Variants in AK1 observed in about 807,000 individuals in gnomAD.
AK1 encodes adenylate kinase isoenzyme 1.
Under a neutral mutation model 23.9 loss-of-function variants are expected in AK1, and 13 were observed. The ratio of observed to expected loss-of-function variants is 0.54; its 90% CI spans 0.35 to 0.86. The LOEUF is 0.86. AK1 is among the 40% of genes least tolerant of loss of function. The probability of loss-of-function intolerance (pLI) is 0.01; values close to 1 mark genes in which losing one functional copy is unlikely to be tolerated. For synonymous variants in AK1, 97 were observed against 102.8 expected, an observed-to-expected ratio of 0.94 and a Z score of 0.34; for missense variants, 214 against 255.1, an observed-to-expected ratio of 0.84 and a Z score of 1.10.
intron 4 of AK1, 87 bp from the exon 5 acceptor site, chr9:127,872,026 G>A (rs1463516575): frequency 8.7e-7 from 1 of 1,150,402 alleles, no homozygotes; most frequent in African/African-American, 1.5e-5. Flanking sequence ...CCTGCCACCT[G>A]AAATGCCCTC....
chr9:127,872,728 G>T lies in AK1; in HGVS notation c.169C>A (p.Leu57Met). Residue 57 changes from leucine (L) to methionine (M), a missense_variant, in exon 4 of 7, where the codon CTG becomes ATG. Leu to Met is a conservative substitution (Grantham distance 15, BLOSUM62 2). Coordinates refer to ENST00000644144, the MANE Select transcript of AK1 (RefSeq NM_000476.3). ...TGCCCCTTCTCCATGATTTCCGACA[G>T]CTTCTTGCCCCTGGCCGAGCCTGAG... Reference protein sequence around the residue: ...VSSGSARGKKLSEIMEKGQLV... With the variant: ...VSSGSARGKKMSEIMEKGQLV... 1 of 1,614,150 alleles carries T rather than the reference G, an allele frequency of 6.2e-7. No individual in the cohort carries two copies.
At chr9:127,873,946 T>C in intron 2 of AK1, 1 of 985,414 alleles carries the variant, frequency 1.0e-6, no homozygotes, top group Non-Finnish European at 1.2e-6. Flanking sequence ...GCTGGAGCCC[T>C]ACAGGAGCTG....
rs201458399 is a variant in AK1 at position 127,874,589 on chromosome 9, C to A, written c.7+22G>T. 24 of 1,613,312 alleles carry A rather than the reference C, an allele frequency of 1.5e-5. No individual in the cohort carries two copies. The African/African-American group carries it at 1.7e-4, about 12-fold the overall frequency. The stretch of plus-strand genomic sequence containing the variant: ...GGCACACTGAGGCCCAGGCAATGGG[C>A]AAAAGGAGAGGAGGCTCATACCTTC... On this transcript the variant is annotated intron_variant, in intron 2 of 6. Transcript: ENST00000644144.
chr9:127,874,078 CT>C, intron 2 of AK1: 1 of 985,468 alleles, frequency 1.0e-6, no homozygotes, highest in Non-Finnish European at 1.2e-6. Context: ...CGCTGGGTGT[CT>C]TTAAGAGCTG....
At chr9:127,873,264 G>T in intron 2 of AK1, 1 of 1,532,810 alleles carries the variant, frequency 6.5e-7, no homozygotes, top group East Asian at 2.5e-5. Flanking sequence ...AGGGAAGAGA[G>T]GGTGCTCCAG....
At chr9:127,873,311 A>C in intron 2 of AK1, 1 of 1,536,586 alleles carries the variant, frequency 6.5e-7, no homozygotes, top group East Asian at 2.4e-5. Flanking sequence ...CTAAAGGCTA[A>C]GTACTCTCCA....
rs921571688 is a variant in AK1 at position 127,866,610 on chromosome 9, A to G, written c.*1398T>C. ...TTTCATTCGGGCAGGCGGGGTCCAC[A>G]AGAGGCTCTCTTGGCTTAAAGGGAG... On this transcript the variant is annotated 3_prime_UTR_variant, in exon 7 of 7. Coordinates refer to ENST00000644144, the MANE Select transcript of AK1 (RefSeq NM_000476.3). 6.6e-6 allele frequency: 1 copy of G among 152,334 alleles called. No homozygotes were observed. Among genetic ancestry groups the G allele is most frequent in the Admixed American group, 6.5e-5 (1 of 15,300 alleles). The allele number at this position is 152,334 out of a possible 1,614,324, so 9.4% of individuals were successfully genotyped here.
chr9:127,871,797 G>T lies in AK1; in HGVS notation c.324+26C>A. On this transcript the variant is annotated intron_variant, in intron 5 of 6. Coordinates refer to ENST00000644144, the MANE Select transcript of AK1 (RefSeq NM_000476.3). The surrounding 1 kb of genome is among the most constrained non-coding windows in gnomAD (Gnocchi z 4.4). ...GTCTTATCCTGCCCCAGCCCACCAG[G>T]ATCCCCACTTGGGTCAGTGCCTTAC... is the stretch of plus-strand genomic sequence containing the variant. 2 of 1,600,562 alleles carry T rather than the reference G, an allele frequency of 1.2e-6. No homozygotes were observed. Among genetic ancestry groups the T allele is most frequent in the South Asian group, 1.1e-5 (1 of 90,850 alleles).
rs944046765 is a variant in AK1, at chr9:127,871,599, C to T, written c.324+224G>A. Among the ~76,000 whole-genome samples the T allele has an allele frequency of 2.6e-5, 4 of 151,636 alleles. No homozygotes were observed. Among genetic ancestry groups the T allele is most frequent in the Non-Finnish European group, 5.9e-5 (4 of 68,030 alleles). ...AGATCTCAAGCCGTTGAGCTGGAAT[C>T]TGAGCCCAGGTTTGGCAACTGCCCC... On this transcript the variant is annotated intron_variant, in intron 5 of 6. Transcript: ENST00000644144. This position sits in a 1 kb window ranked among gnomAD's most constrained non-coding sequence, Gnocchi z 4.4.
chr9:127,867,705 G>T lies in AK1; in HGVS notation c.*303C>A. On this transcript the variant is annotated 3_prime_UTR_variant, in exon 7 of 7. Coordinates refer to ENST00000644144, the MANE Select transcript of AK1 (RefSeq NM_000476.3). ...GAAGGGCCCCGGGCCTCCCACCAGA[G>T]CTAGAGGAGGGGTGGCTGGCAAAGG... 2.5e-6 allele frequency: 1 copy of T among 405,024 alleles called. No homozygotes were observed. Among genetic ancestry groups the T allele is most frequent in the Non-Finnish European group, 4.7e-6 (1 of 215,014 alleles). The allele number at this position is 405,024 out of a possible 1,614,324, so 25.1% of individuals were successfully genotyped here.
At position 127,868,280 on chromosome 9, in the gene AK1, C is replaced by A; in HGVS notation, c.516+41G>T. On this transcript the variant is annotated intron_variant, in intron 6 of 6. Transcript: ENST00000644144. This position sits in a 1 kb window ranked among gnomAD's most constrained non-coding sequence, Gnocchi z 4.1. ...GAGCTGAGGCGGAGCCACATAGGAA[C>A]CCGTTCTTCCCGGAGCTGCCCCTGG... The A allele has an allele frequency of 6.5e-7, 1 of 1,545,878 alleles. No homozygotes were observed. Among genetic ancestry groups the A allele is most frequent in the South Asian group, 1.2e-5 (1 of 84,548 alleles).
chr9:127,872,698 C>T lies in AK1; in HGVS notation c.199G>A (p.Val67Ile). The T allele has an allele frequency of 6.2e-7, 1 of 1,614,110 alleles. No homozygotes were observed. The highest frequency in any genetic ancestry group is 8.5e-7 in the Non-Finnish European group (1 of 1,180,026). Residue 67 changes from valine (V) to isoleucine (I), a missense_variant, in exon 4 of 7, where the codon GTT (valine) becomes ATT (isoleucine). Val to Ile is a conservative substitution (Grantham distance 29). Transcript: ENST00000644144. Reference sequence around the variant, plus strand: ...CACCAGGGCCCACTCACCAGTGGAACCAGCTGCCCCTTCTCCATGATTTCC... The same window carrying T: ...CACCAGGGCCCACTCACCAGTGGAATCAGCTGCCCCTTCTCCATGATTTCC... ...LSEIMEKGQL[V>I]PLETVLDMLR...
At position 127,871,998 on chromosome 9, in the gene AK1, G is replaced by T; in HGVS notation, c.208-59C>A. 6.9e-7 allele frequency: 1 copy of T among 1,448,234 alleles called. No homozygotes were observed. The highest frequency in any genetic ancestry group is 9.7e-7 in the Non-Finnish European group (1 of 1,030,750). 89.7% of individuals were successfully genotyped at this position (1,448,234 alleles called of 1,614,324 possible). On this transcript the variant is annotated intron_variant, in intron 4 of 6. Transcript: ENST00000644144. This position sits in a 1 kb window ranked among gnomAD's most constrained non-coding sequence, Gnocchi z 4.4. ...CCTCTCCTCCCCATCCCTTCTCCCAGCCTCTGCTCACGCTGCTCCTGCCAC... is the reference window on the plus strand; with the variant it reads ...CCTCTCCTCCCCATCCCTTCTCCCATCCTCTGCTCACGCTGCTCCTGCCAC...
At position 127,868,352 on chromosome 9, in the gene AK1, G is replaced by A. The variant is rs758497870; in HGVS notation, c.485C>T (p.Ala162Val). 20 of 1,606,938 alleles carry A rather than the reference G, an allele frequency of 1.2e-5. 2 individuals are homozygous for A. The South Asian group carries it at 2.2e-4, about 18-fold the overall frequency. Residue 162 changes from alanine to valine, a missense_variant, in exon 6 of 7, where the codon GCC becomes GTC. Ala to Val is a moderately conservative substitution (Grantham distance 64). Coordinates refer to ENST00000644144, the MANE Select transcript of AK1 (RefSeq NM_000476.3). The surrounding 1 kb of genome is among the most constrained non-coding windows in gnomAD (Gnocchi z 4.1). ...CACAATGCCACGTTTCTCATAGAAGGCGATGACAGGTTCTGTGGCCTTGTA... is the reference window on the plus strand; with the variant it reads ...CACAATGCCACGTTTCTCATAGAAGACGATGACAGGTTCTGTGGCCTTGTA... ...TYYKATEPVI[A>V]FYEKRGIVRK...
At chr9:127,873,546 A>G in intron 2 of AK1, 1 of 1,437,754 alleles carries the variant, frequency 7.0e-7, no homozygotes, top group Non-Finnish European at 9.1e-7. Flanking sequence ...GGGCTTAGCA[A>G]CCACAACATA....
intron 2 of AK1, chr9:127,873,442 A>G: frequency 6.5e-7 from 1 of 1,547,754 alleles, no homozygotes; most frequent in Non-Finnish European, 8.7e-7. Flanking sequence ...GAGGAGCAGC[A>G]GCCCATGGTC....
At position 127,868,056 on chromosome 9, in the gene AK1, C is replaced by T. The variant is rs1170829443; in HGVS notation, c.537G>A (p.Val179=). 1.2e-6 allele frequency: 2 copies of T among 1,614,088 alleles called. No homozygotes were observed. Among genetic ancestry groups the T allele is most frequent in the African/African-American group, 1.3e-5 (1 of 75,022 alleles). ...TGCAGACCTGGGAGAAGACACTGTC[C>T]ACGGAGCCCTCAGCGTTGACCTGTG... ...IVRKVNAEGS[V]DSVFSQVCTH... The change falls in exon 7 of 7, where the codon GTG becomes GTA. Residue 179 remains valine (V), a synonymous_variant. Transcript: ENST00000644144. This position sits in a 1 kb window ranked among gnomAD's most constrained non-coding sequence, Gnocchi z 4.1.
intron 2 of AK1, chr9:127,873,857 C>T (rs1829476369): frequency 7.1e-6 from 7 of 985,314 alleles, no homozygotes; most frequent in South Asian, 4.7e-5. Context: ...TAGGAAAGGC[C>T]TGCCCCTCTC....
chr9:127,873,150 C>A, intron 2 of AK1, 89 bp from the exon 3 acceptor site: 1 of 1,563,938 alleles, frequency 6.4e-7, no homozygotes. Flanking sequence ...GTGCTGGGCC[C>A]CAGGCGGAGG....
Sources: gnomAD v4.1 joint callset for allele counts (sites outside exome capture counted in the v4.1 genomes callset) on GRCh38, gnomAD v4.1.1 for gene constraint, Gnocchi (gnomAD v3.1) non-coding constraint, MANE v1.5 for transcripts, NCBI Gene and HGNC (gene_info 2026-07-23, HGNC 2026-07-21) for gene names.